Variants in USP31 observed in about 807,000 individuals in gnomAD.
USP31 encodes ubiquitin specific peptidase 31, also known as ubiquitin carboxyl-terminal hydrolase 31.
USP31 carries 44 observed loss-of-function variants against 119.4 expected under a neutral mutation model. That is an observed-to-expected ratio of 0.37 (90% CI 0.29 to 0.47). The LOEUF is 0.47. Ranked by LOEUF, USP31 falls within the 20% of genes least tolerant of loss-of-function variation. USP31 has a pLI of 0.99. For missense variants in USP31, 1,643 were observed against 1,730.2 expected (o/e 0.95, Z 0.89); for synonymous variants, 749 against 705.6 (o/e 1.06, Z -0.97).
At chr16:23,072,772 A>G (rs915496897) in intron 14 of USP31, among the ~76,000 whole-genome samples, 5 of 152,188 alleles carry the variant, frequency 3.3e-5, no homozygotes, top group African/African-American at 9.7e-5. Context: ...AACAGAGTAC[A>G]TGAAGCAGCA....
chr16:23,080,437 G>T (rs1300607403), intron 12 of USP31, among the ~76,000 whole-genome samples: 1 of 152,078 alleles, frequency 6.6e-6, no homozygotes, highest in Non-Finnish European at 1.5e-5. Context: ...ATCTGTTAAA[G>T]GGCTTTAAAG....
chr16:23,134,608 A>G (rs576345597), intron 1 of USP31, among the ~76,000 whole-genome samples: 2 of 152,080 alleles, frequency 1.3e-5, no homozygotes, highest in South Asian at 2.1e-4. Flanking sequence ...CTCACTGTAC[A>G]CATTCACCAA....
chr16:23,102,381 T>C lies in USP31; in HGVS notation c.1172A>G (p.Asp391Gly). 6.2e-7 allele frequency: 1 copy of C among 1,614,050 alleles called. No homozygotes were observed. Among genetic ancestry groups the C allele is most frequent in the Non-Finnish European group, 8.5e-7 (1 of 1,179,950 alleles). ...GGGAGTCTCAAAGGCAAAAATGCAG[T>C]CGCTTTCATGGACTGTTTCCAGGTC... ...TDDLETVHES[D>G]CIFAFETPEI... is the part of the protein sequence containing the mutation. The change falls in exon 6 of 16, where the codon GAC (aspartate) becomes GGC (glycine). Residue 391 changes from aspartate (D) to glycine (G), a missense_variant. By Grantham distance (94) the Asp-to-Gly change is moderately conservative. Transcript: ENST00000219689.
At chr16:23,143,605 GAA>G (rs1903419119) in intron 1 of USP31, among the ~76,000 whole-genome samples, 1 of 151,072 alleles carries the variant, frequency 6.6e-6, no homozygotes, top group South Asian at 2.1e-4. Context: ...GAGAGAGAGA[GAA>G]AGAGAGAGCG....
intron 1 of USP31, among the ~76,000 whole-genome samples, chr16:23,117,315 G>C (rs1011388558): frequency 6.6e-6 from 1 of 152,218 alleles, no homozygotes. Flanking sequence ...TATAAGATTA[G>C]TGTCAGATTT....
intron 1 of USP31, among the ~76,000 whole-genome samples, chr16:23,145,794 C>G (rs945082734): frequency 6.6e-6 from 1 of 152,220 alleles, no homozygotes; most frequent in Admixed American, 6.5e-5. Flanking sequence ...TTGCCAATTG[C>G]AACGTTTTCA....
chr16:23,129,914 T>C lies in USP31; in HGVS notation c.633+18724A>G, dbSNP rs147534071. Among the ~76,000 whole-genome samples the C allele has an allele frequency of 9.3e-3, 1,417 of 152,216 alleles. 19 individuals carry two copies. The highest frequency in any genetic ancestry group is 0.03 in the African/African-American group (1,231 of 41,526). On this transcript the variant is annotated intron_variant, in intron 1 of 15. Coordinates refer to ENST00000219689, the MANE Select transcript of USP31 (RefSeq NM_020718.4). ...AAAAAGCACTACAAGTGGGAGGGTA[T>C]AGGGCACAAACAATAGCCAGCAAAG...
chr16:23,112,755 GT>G (rs1902362501), intron 1 of USP31, among the ~76,000 whole-genome samples: 1 of 151,810 alleles, frequency 6.6e-6, no homozygotes, highest in Non-Finnish European at 1.5e-5. Context: ...ATAGGCGGGT[GT>G]GGTGGCTCAC....
intron 1 of USP31, chr16:23,115,661 T>A: frequency 1.9e-6 from 1 of 517,880 alleles, no homozygotes; most frequent in Non-Finnish European, 2.5e-6. Flanking sequence ...ATCCTATACA[T>A]CCTACTATAA....
Position 23,089,923 on chromosome 16 carries a change from A to AT in USP31, c.1415+700dup, listed in dbSNP as rs1901277660. On this transcript the variant is annotated intron_variant, in intron 7 of 15. Transcript: ENST00000219689. ...TTCAATTCAACTTGGGACATAAGACATAAGTTCAATTTGGGACAGAAGACT... is the reference window on the plus strand; with the variant it reads ...TTCAATTCAACTTGGGACATAAGACATTAAGTTCAATTTGGGACAGAAGACT... Among the ~76,000 whole-genome samples the AT allele has an allele frequency of 4.6e-5, 7 of 152,328 alleles. No individual in the cohort carries two copies. The South Asian group carries it at 1.4e-3, about 32-fold the overall frequency.
chr16:23,069,478 C>T lies in USP31; in HGVS notation c.2627G>A (p.Arg876His), dbSNP rs776010357. Residue 876 changes from arginine (R) to histidine (H), a missense_variant, in exon 16 of 16, where the codon CGC (arginine) becomes CAC (histidine). This residue lies in a region of USP31 where 699 missense variants were observed against 650.9 expected (regional missense o/e 1.07). Coordinates refer to ENST00000219689, the MANE Select transcript of USP31 (RefSeq NM_020718.4). The stretch of plus-strand genomic sequence containing the variant: ...TGAAAATCGGGATGGAGAATTGGAG[C>T]GCATCTGCAGCTTAGCAGACAGGGA... ...SWSLSAKLQM[R>H]SNSPSRFSGD... 3.1e-6 allele frequency: 5 copies of T among 1,614,162 alleles called. No individual in the cohort carries two copies. Among genetic ancestry groups the T allele is most frequent in the Non-Finnish European group, 3.4e-6 (4 of 1,180,034 alleles).
intron 12 of USP31, 60 bp downstream of exon 12, chr16:23,082,378 C>G: frequency 6.2e-7 from 1 of 1,602,002 alleles, no homozygotes. Context: ...AGCCCATCAG[C>G]AGGGGGCATA....
intron 6 of USP31, among the ~76,000 whole-genome samples, chr16:23,097,825 A>T (rs921254443): frequency 6.6e-6 from 1 of 152,232 alleles, no homozygotes; most frequent in Non-Finnish European, 1.5e-5. Flanking sequence ...ACGTGTATCA[A>T]AATAATAAGA....
chr16:23,148,720 C>T lies in USP31; in HGVS notation c.551G>A (p.Gly184Asp), dbSNP rs1446875256. ...GTGCGCCAGCTGCTCAGTGACCTCG[C>T]CCTGGCCCTGCGCGCCGCGGCCCGC... ...QPAGRGAQGQGEVTEQLAHLV... is the reference protein window; with the variant it reads ...QPAGRGAQGQDEVTEQLAHLV... The change falls in exon 1 of 16, where the codon GGC becomes GAC. Residue 184 changes from glycine (G) to aspartate (D), a missense_variant. Gly to Asp is a moderately conservative substitution (Grantham distance 94). Coordinates refer to ENST00000219689, the MANE Select transcript of USP31 (RefSeq NM_020718.4). The T allele has an allele frequency of 6.7e-7, 1 of 1,482,702 alleles. No homozygotes were observed. The highest frequency in any genetic ancestry group is 8.9e-7 in the Non-Finnish European group (1 of 1,119,524). 91.8% of individuals were successfully genotyped at this position (1,482,702 alleles called of 1,614,324 possible).
At chr16:23,103,388 ATAAAC>A (rs1901964308) in intron 5 of USP31, among the ~76,000 whole-genome samples, 1 of 152,264 alleles carries the variant, frequency 6.6e-6, no homozygotes, top group African/African-American at 2.4e-5. Flanking sequence ...ACTAAAAAGA[ATAAAC>A]TATATATATT....
chr16:23,113,132 C>T (rs1902377820), intron 1 of USP31, among the ~76,000 whole-genome samples: 1 of 151,978 alleles, frequency 6.6e-6, no homozygotes, highest in African/African-American at 2.4e-5. Flanking sequence ...ACTGACGGAT[C>T]GAAAGAGGAA....
Position 23,069,747 on chromosome 16 carries a change from T to A in USP31, c.2489-131A>T, listed in dbSNP as rs1567224047. 5 of 1,255,054 alleles carry A rather than the reference T, an allele frequency of 4.0e-6. No homozygotes were observed. The South Asian group carries it at 7.3e-5, about 18-fold the overall frequency. The allele number at this position is 1,255,054 out of a possible 1,614,324, so 77.7% of individuals were successfully genotyped here. ...GAGCATGACCTTCAGAGCCAGCCCATCTGGGATCAAGGAGTCCCTGTGTGG... is the reference window on the plus strand; with the variant it reads ...GAGCATGACCTTCAGAGCCAGCCCAACTGGGATCAAGGAGTCCCTGTGTGG... On this transcript the variant is annotated intron_variant, in intron 15 of 15. Transcript: ENST00000219689.
At chr16:23,135,554 C>T (rs1319225832) in intron 1 of USP31, among the ~76,000 whole-genome samples, 1 of 151,426 alleles carries the variant, frequency 6.6e-6, no homozygotes, top group Admixed American at 6.6e-5. Context: ...ATGAACAATC[C>T]AAAAATAAAA....
At chr16:23,118,496 T>A (rs1392647034) in intron 1 of USP31, among the ~76,000 whole-genome samples, 1 of 152,092 alleles carries the variant, frequency 6.6e-6, no homozygotes, top group African/African-American at 2.4e-5. Flanking sequence ...TGAAGCCAAG[T>A]CTGAGAACGA....
Sources: allele counts gnomAD v4.1 joint callset (sites outside exome capture counted in the v4.1 genomes callset), GRCh38; gene constraint gnomAD v4.1.1; regional missense constraint gnomAD v4.1.1; transcripts MANE v1.5; gene names NCBI Gene and HGNC (gene_info 2026-07-23, HGNC 2026-07-21).